ZNF804B: variants seen among roughly 807,000 people sequenced by gnomAD.
ZNF804B encodes zinc finger protein 804B.
ZNF804B carries 80 observed loss-of-function variants against 101.4 expected under a neutral mutation model. The ratio of observed to expected loss-of-function variants is 0.79; its 90% CI spans 0.66 to 0.95. The LOEUF is 0.95. ZNF804B is among the 40% of genes least tolerant of loss of function. The probability of loss-of-function intolerance (pLI) is 0.00; values close to 1 mark genes in which losing one functional copy is unlikely to be tolerated. For missense variants in ZNF804B, 1,673 were observed against 1,561.9 expected, an observed-to-expected ratio of 1.07 and a Z score of -1.20; for synonymous variants, 622 against 558.8, an observed-to-expected ratio of 1.11 and a Z score of -1.59.
At chr7:89,070,337 G>T (rs1346070732) in intron 1 of ZNF804B, among the ~76,000 whole-genome samples, 2 of 152,126 alleles carry the variant, frequency 1.3e-5, no homozygotes, top group Non-Finnish European at 2.9e-5. Context: ...GATCTAGGTG[G>T]CAGGGACACA....
At chr7:89,197,455 C>T (rs1352801772) in intron 1 of ZNF804B, among the ~76,000 whole-genome samples, 2 of 151,878 alleles carry the variant, frequency 1.3e-5, no homozygotes, top group East Asian at 3.9e-4. Context: ...TGCAAATTGT[C>T]TTCCACTAAG....
intron 1 of ZNF804B, among the ~76,000 whole-genome samples, chr7:88,907,751 T>C (rs1300628373): frequency 2.0e-5 from 3 of 151,918 alleles, no homozygotes; most frequent in African/African-American, 7.2e-5. Context: ...GCAAATTCCA[T>C]GTGTTTGAAT....
intron 1 of ZNF804B, among the ~76,000 whole-genome samples, chr7:89,002,161 G>C (rs114502538): frequency 2.0e-5 from 3 of 151,350 alleles, no homozygotes; most frequent in African/African-American, 7.3e-5. Context: ...CTAATAAAAA[G>C]TACAAATACA....
At chr7:88,881,263 A>G (rs1792025669) in intron 1 of ZNF804B, among the ~76,000 whole-genome samples, 1 of 152,128 alleles carries the variant, frequency 6.6e-6, no homozygotes, top group Admixed American at 6.6e-5. Context: ...TATTTTTTGG[A>G]CAATTGAAAC....
intron 2 of ZNF804B, among the ~76,000 whole-genome samples, chr7:89,229,802 C>T (rs755289138): frequency 6.6e-6 from 1 of 152,008 alleles, no homozygotes; most frequent in African/African-American, 2.4e-5. Flanking sequence ...CCAAGAAAGA[C>T]TAAATTATGA....
At position 89,333,472 on chromosome 7, in the gene ZNF804B, A is replaced by G. The variant is rs1562742918; in HGVS notation, c.490A>G (p.Ser164Gly). ...KNGRKVSCMK[S>G]ALLLKGKNLP... is the part of the protein sequence containing the mutation. ...TGGCAGAAAGGTATCATGCATGAAG[A>G]GTGCTCTTCTCCTTAAAGGAAAAAA... Residue 164 changes from serine to glycine, a missense_variant, in exon 4 of 4, where the codon AGT becomes GGT. Coordinates refer to ENST00000333190, the MANE Select transcript of ZNF804B (RefSeq NM_181646.5). 6.2e-6 allele frequency: 10 copies of G among 1,613,302 alleles called. No homozygotes were observed. In the African/African-American group the frequency reaches 8.0e-5, roughly 13 times the overall value.
chr7:88,874,893 G>C (rs1410371855), intron 1 of ZNF804B, among the ~76,000 whole-genome samples: 1 of 145,132 alleles, frequency 6.9e-6, no homozygotes, highest in Admixed American at 7.0e-5. Context: ...TTCCAAAATT[G>C]ACCACATACT....
At chr7:89,153,155 G>T (rs1790903712) in intron 1 of ZNF804B, among the ~76,000 whole-genome samples, 2 of 151,908 alleles carry the variant, frequency 1.3e-5, no homozygotes, top group Non-Finnish European at 1.5e-5. Context: ...CTGACCAGAT[G>T]ACCTCGCTCA....
At chr7:89,177,724 T>TTG (rs1438306507) in intron 1 of ZNF804B, among the ~76,000 whole-genome samples, 1 of 152,176 alleles carries the variant, frequency 6.6e-6, no homozygotes, top group African/African-American at 2.4e-5. Flanking sequence ...CCAGCTATTA[T>TTG]TGTGTTGAGG....
Position 88,962,708 on chromosome 7 carries a change from CATATATATATATATATATAT to C in ZNF804B, c.108+202645_108+202664del, listed in dbSNP as rs71120046. The stretch of plus-strand genomic sequence containing the variant: ...AAAGTTATAAATGTTGTTAAACTCA[CATATATATATATATATATAT>C]ATATATATATATATATATATGAATA... On this transcript the variant is annotated intron_variant, in intron 1 of 3. Transcript: ENST00000333190. Among the ~76,000 whole-genome samples the C allele has an allele frequency of 1.4e-3, 119 of 84,166 alleles. 2 individuals carry two copies. Among genetic ancestry groups the C allele is most frequent in the East Asian group, 4.7e-3 (18 of 3,838 alleles). 55.2% of individuals were successfully genotyped at this position (84,166 alleles called of 152,430 possible).
intron 1 of ZNF804B, among the ~76,000 whole-genome samples, chr7:88,922,823 CA>C (rs1416794769): frequency 6.6e-6 from 1 of 151,786 alleles, no homozygotes; most frequent in Non-Finnish European, 1.5e-5. Flanking sequence ...ATTATGACTT[CA>C]TTTTTTTAGT....
At chr7:88,837,053 T>A (rs1283023442) in intron 1 of ZNF804B, among the ~76,000 whole-genome samples, 2 of 151,992 alleles carry the variant, frequency 1.3e-5, no homozygotes, top group Non-Finnish European at 2.9e-5. Context: ...TAGGAAGTCC[T>A]CATAAAGTTT....
chr7:89,039,513 C>T (rs1025998364), intron 1 of ZNF804B, among the ~76,000 whole-genome samples: 2 of 151,750 alleles, frequency 1.3e-5, no homozygotes, highest in Non-Finnish European at 2.9e-5. Context: ...CTATTACATG[C>T]TACTAATTCA....
intron 1 of ZNF804B, among the ~76,000 whole-genome samples, chr7:89,028,790 A>G (rs1263649209): frequency 6.6e-6 from 1 of 152,120 alleles, no homozygotes; most frequent in Non-Finnish European, 1.5e-5. Flanking sequence ...TGCCTATTTC[A>G]TAGGGTTGTT....
chr7:88,931,487 A>G (rs1792884652), intron 1 of ZNF804B, among the ~76,000 whole-genome samples: 1 of 151,936 alleles, frequency 6.6e-6, no homozygotes, highest in South Asian at 2.1e-4. Context: ...CATCATGGAA[A>G]TAAGTTTTAT....
At chr7:89,183,204 A>G (rs1433603125) in intron 1 of ZNF804B, among the ~76,000 whole-genome samples, 2 of 152,140 alleles carry the variant, frequency 1.3e-5, no homozygotes, top group African/African-American at 4.8e-5. Flanking sequence ...GGGTATTAAT[A>G]GTAATAATGA....
At position 88,948,288 on chromosome 7, in the gene ZNF804B, T is replaced by G. The variant is rs73399341; in HGVS notation, c.108+188204T>G. On this transcript the variant is annotated intron_variant, in intron 1 of 3. Coordinates refer to ENST00000333190, the MANE Select transcript of ZNF804B (RefSeq NM_181646.5). ...CGCCTCAGCACAGAAACAACCTTCG[T>G]GTACTAGCCACCCATCCATTTTTTT... Among the ~76,000 whole-genome samples the G allele has an allele frequency of 9.5e-3, 1,424 of 149,814 alleles. 20 individuals are homozygous for G. The highest frequency in any genetic ancestry group is 0.033 in the African/African-American group (1,352 of 40,642).
chr7:89,254,658 T>C (rs915842358), intron 2 of ZNF804B, among the ~76,000 whole-genome samples: 3 of 151,428 alleles, frequency 2.0e-5, no homozygotes, highest in African/African-American at 7.3e-5. Context: ...ATTATTTTTT[T>C]TTTTTGAGTC....
intron 2 of ZNF804B, among the ~76,000 whole-genome samples, chr7:89,287,296 C>G (rs928197437): frequency 3.3e-5 from 5 of 151,962 alleles, no homozygotes; most frequent in African/African-American, 1.2e-4. Flanking sequence ...CCATGGCCAA[C>G]TATATATATA....
Sources: allele counts gnomAD v4.1 joint callset (sites outside exome capture counted in the v4.1 genomes callset), GRCh38; gene constraint gnomAD v4.1.1; transcripts MANE v1.5; gene names NCBI Gene and HGNC (gene_info 2026-07-23, HGNC 2026-07-21).